Variants in KSR2 observed in about 807,000 individuals in gnomAD.
KSR2 encodes kinase suppressor of ras 2.
In KSR2, 25 loss-of-function variants were observed where a neutral mutation model predicts 107.8. The observed-to-expected ratio is 0.23, with a 90% CI of 0.17 to 0.32. The LOEUF is 0.32. Ranked by LOEUF, KSR2 falls within the 10% of genes least tolerant of loss-of-function variation. The pLI is 1.00. For synonymous variants in KSR2, 480 were observed against 507.0 expected (o/e 0.95, Z 0.71); for missense variants, 887 against 1,268.9 (o/e 0.70, Z 4.57).
intron 5 of KSR2, among the ~76,000 whole-genome samples, chr12:117,651,527 T>A (rs1030200054): frequency 6.6e-6 from 1 of 152,212 alleles, no homozygotes; most frequent in Non-Finnish European, 1.5e-5. Flanking sequence ...AATTTATTGA[T>A]TTGGGCCCAC....
At position 117,895,678 on chromosome 12, in the gene KSR2, C is replaced by G. The variant is rs116225453; in HGVS notation, c.181-35247G>C. Reference sequence around the variant, plus strand: ...CTGCTGTGGAAACGTTTAGCAGTTCCCCAAATGTTAAACATAGAGTTATCA... The same window carrying G: ...CTGCTGTGGAAACGTTTAGCAGTTCGCCAAATGTTAAACATAGAGTTATCA... On this transcript the variant is annotated intron_variant, in intron 1 of 19. Coordinates refer to ENST00000339824, the MANE Select transcript of KSR2 (RefSeq NM_173598.6). 8.3e-3 allele frequency among the ~76,000 whole-genome samples: 1,265 copies of G among 152,180 alleles called. 19 individuals carry two copies. The highest frequency in any genetic ancestry group is 0.029 in the African/African-American group (1,215 of 41,522).
intron 14 of KSR2, among the ~76,000 whole-genome samples, chr12:117,485,922 C>T (rs1872436495): frequency 6.6e-6 from 1 of 152,222 alleles, no homozygotes; most frequent in Non-Finnish European, 1.5e-5. Flanking sequence ...CCGACAAGGA[C>T]ACCCACAGAA....
intron 5 of KSR2, among the ~76,000 whole-genome samples, chr12:117,584,697 T>C (rs1447761163): frequency 5.3e-5 from 8 of 152,222 alleles, no homozygotes; most frequent in African/African-American, 1.4e-4. Context: ...TGAAGCAAAG[T>C]ACTTAATACA....
chr12:117,761,481 C>T lies in KSR2; in HGVS notation c.516G>A (p.Thr172=), dbSNP rs617641. 7 of 1,613,322 alleles carry T rather than the reference C, an allele frequency of 4.3e-6. No individual in the cohort carries two copies. The highest frequency in any genetic ancestry group is 2.2e-5 in the East Asian group (1 of 44,846). ...GATTGTTCTCCTTCCCCGTCTCTGT[C>T]GTGGGCCACTGGATGGTCCAGTCTT... ...SKQDWTIQWP[T]TETGKENNPV... The change falls in exon 4 of 20, where the codon ACG becomes ACA. Residue 172 remains threonine, a synonymous_variant. Coordinates refer to ENST00000339824, the MANE Select transcript of KSR2 (RefSeq NM_173598.6).
chr12:117,493,860 T>A (rs978602814), intron 14 of KSR2, among the ~76,000 whole-genome samples: 4 of 152,196 alleles, frequency 2.6e-5, no homozygotes, highest in African/African-American at 9.7e-5. Context: ...CTAATGGGTT[T>A]ATCAGGGGTT....
At chr12:117,801,299 T>G (rs1484226933) in intron 3 of KSR2, among the ~76,000 whole-genome samples, 2 of 151,574 alleles carry the variant, frequency 1.3e-5, no homozygotes, top group East Asian at 1.9e-4. Flanking sequence ...TTTTTTTTTT[T>G]TGTATTTTTA....
chr12:117,601,237 C>T (rs117002394), intron 5 of KSR2, among the ~76,000 whole-genome samples: 2,274 of 149,694 alleles, frequency 0.015, 30 homozygotes, highest in South Asian at 0.03. Context: ...ACTCAGCCTC[C>T]GAGTGCATCT....
chr12:117,461,424 C>T lies in KSR2; in HGVS notation c.*5775G>A, dbSNP rs1375968813. On this transcript the variant is annotated 3_prime_UTR_variant, in exon 20 of 20. Coordinates refer to ENST00000339824, the MANE Select transcript of KSR2 (RefSeq NM_173598.6). ...CAGGGTCTTACTCTTACCCAGCAAACCTCTCTGTCTGCATTCTGTAAACAT... is the reference window on the plus strand; with the variant it reads ...CAGGGTCTTACTCTTACCCAGCAAATCTCTCTGTCTGCATTCTGTAAACAT... The T allele has an allele frequency of 6.6e-6, 1 of 152,254 alleles. No homozygotes were observed. Among genetic ancestry groups the T allele is most frequent in the Non-Finnish European group, 1.5e-5 (1 of 68,084 alleles). The allele number at this position is 152,254 out of a possible 1,614,324, so 9.4% of individuals were successfully genotyped here.
chr12:117,470,734 T>G (rs139290154), intron 18 of KSR2, among the ~76,000 whole-genome samples: 2 of 152,250 alleles, frequency 1.3e-5, no homozygotes, highest in African/African-American at 4.8e-5. Flanking sequence ...GAGAGGATTC[T>G]TCCTGCTGTG....
intron 1 of KSR2, among the ~76,000 whole-genome samples, chr12:117,884,386 C>T (rs1325262389): frequency 6.6e-6 from 1 of 152,190 alleles, no homozygotes; most frequent in Non-Finnish European, 1.5e-5. Flanking sequence ...CTCAAGTTGG[C>T]ATGAACCTTT....
At chr12:117,562,111 A>G (rs1400419266) in intron 7 of KSR2, among the ~76,000 whole-genome samples, 1 of 152,182 alleles carries the variant, frequency 6.6e-6, no homozygotes, top group Non-Finnish European at 1.5e-5. Context: ...GGTAGGTGTC[A>G]AGGGTAGGGG....
At chr12:117,614,051 G>A (rs1196191375) in intron 5 of KSR2, among the ~76,000 whole-genome samples, 3 of 152,160 alleles carry the variant, frequency 2.0e-5, no homozygotes, top group African/African-American at 7.2e-5. Flanking sequence ...ATAAATAAAT[G>A]ATGGTACATC....
intron 1 of KSR2, among the ~76,000 whole-genome samples, chr12:117,873,016 C>T (rs750565774): frequency 7.9e-5 from 12 of 152,106 alleles, no homozygotes; most frequent in Non-Finnish European, 1.3e-4. Context: ...GGGTTCAGTG[C>T]GGGCATCAAG....
intron 14 of KSR2, among the ~76,000 whole-genome samples, chr12:117,494,513 C>G (rs1401316355): frequency 3.3e-5 from 5 of 152,200 alleles, no homozygotes; most frequent in African/African-American, 1.2e-4. Context: ...TTGAGAACCA[C>G]CGCTCAAGCC....
Position 117,642,152 on chromosome 12 carries a change from T to C in KSR2, c.1171+25322A>G, listed in dbSNP as rs1194098631. ...TCCCCTCACCATTGCTGCTCCCCTGTTGTAGATTTCTGTAGCATTCTGAAC... is the reference window on the plus strand; with the variant it reads ...TCCCCTCACCATTGCTGCTCCCCTGCTGTAGATTTCTGTAGCATTCTGAAC... On this transcript the variant is annotated intron_variant, in intron 5 of 19. Transcript: ENST00000339824. Among the ~76,000 whole-genome samples the C allele has an allele frequency of 3.9e-5, 6 of 152,208 alleles. No individual in the cohort carries two copies. The East Asian group carries it at 9.6e-4, about 24-fold the overall frequency.
intron 9 of KSR2, among the ~76,000 whole-genome samples, chr12:117,552,388 C>G (rs1268748462): frequency 2.0e-5 from 3 of 152,186 alleles, no homozygotes; most frequent in Non-Finnish European, 4.4e-5. Context: ...GTGTTTCTTC[C>G]CGTTGAATCT....
At chr12:117,642,143 G>A (rs1257917121) in intron 5 of KSR2, among the ~76,000 whole-genome samples, 2 of 152,176 alleles carry the variant, frequency 1.3e-5, no homozygotes, top group Non-Finnish European at 2.9e-5. Flanking sequence ...CACCATTGCT[G>A]CTCCCCTGTT....
At chr12:117,544,743 T>C (rs76191172) in intron 9 of KSR2, among the ~76,000 whole-genome samples, 2,694 of 152,356 alleles carry the variant, frequency 0.018, 78 homozygotes, top group African/African-American at 0.062. Flanking sequence ...TTGTATTTTC[T>C]TTGGGATTCT....
intron 3 of KSR2, among the ~76,000 whole-genome samples, chr12:117,768,840 G>A (rs887902493): frequency 6.6e-6 from 1 of 152,226 alleles, no homozygotes; most frequent in Non-Finnish European, 1.5e-5. Flanking sequence ...GGAAACTGAG[G>A]CACAGAGAGG....
Sources: gnomAD v4.1 joint callset for allele counts (sites outside exome capture counted in the v4.1 genomes callset) on GRCh38, gnomAD v4.1.1 for gene constraint, MANE v1.5 for transcripts, NCBI Gene and HGNC (gene_info 2026-07-23, HGNC 2026-07-21) for gene names.